Variants in CSNK1G1 observed in about 807,000 individuals in gnomAD.
The protein encoded by CSNK1G1 is casein kinase I isoform gamma-1.
Under a neutral mutation model 59.6 loss-of-function variants are expected in CSNK1G1, and 22 were observed. The observed-to-expected ratio is 0.37, with a 90% CI of 0.26 to 0.53. The LOEUF (loss-of-function observed/expected upper bound fraction) is 0.53, where lower values mean the gene tolerates loss of function less well. Ranked by LOEUF, CSNK1G1 falls within the 20% of genes least tolerant of loss-of-function variation. CSNK1G1 has a pLI of 0.89. For synonymous variants in CSNK1G1, 179 were observed against 177.1 expected (o/e 1.01, Z -0.08); for missense variants, 384 against 519.5 (o/e 0.74, Z 2.54).
chr15:64,325,605 C>T (rs1896795809), intron 1 of CSNK1G1, among the ~76,000 whole-genome samples: 1 of 152,102 alleles, frequency 6.6e-6, no homozygotes, highest in African/African-American at 2.4e-5. Flanking sequence ...TTAAAAGCTC[C>T]ATAATTATAA....
chr15:64,351,011 T>A (rs1259562485), intron 1 of CSNK1G1, among the ~76,000 whole-genome samples: 1 of 152,120 alleles, frequency 6.6e-6, no homozygotes, highest in Non-Finnish European at 1.5e-5. Flanking sequence ...TTCCACAAAT[T>A]CAAAAGTTAT....
chr15:64,351,614 C>G (rs1238944759), intron 1 of CSNK1G1, among the ~76,000 whole-genome samples: 2 of 152,202 alleles, frequency 1.3e-5, no homozygotes, highest in African/African-American at 4.8e-5. Flanking sequence ...CACGGTGGCT[C>G]ACGCCTGTAG....
intron 11 of CSNK1G1, among the ~76,000 whole-genome samples, chr15:64,175,218 G>T (rs1276138615): frequency 1.3e-5 from 2 of 152,050 alleles, no homozygotes; most frequent in African/African-American, 4.8e-5. Flanking sequence ...AAACCCAGTT[G>T]TTTTCTTTAA....
At chr15:64,343,179 T>G in intron 1 of CSNK1G1, among the ~76,000 whole-genome samples, 1 of 72,410 alleles carries the variant, frequency 1.4e-5, no homozygotes, top group Non-Finnish European at 3.0e-5. Context: ...GCCATTGCAC[T>G]CCAGCCAGGG....
chr15:64,309,343 CACACACACAA>C (rs763839268), intron 1 of CSNK1G1, among the ~76,000 whole-genome samples: 1 of 89,078 alleles, frequency 1.1e-5, no homozygotes, highest in African/African-American at 3.5e-5. Context: ...CACACACACA[CACACACACAA>C]ATAAATGAGT....
chr15:64,316,519 G>T (rs1348584091), intron 1 of CSNK1G1, among the ~76,000 whole-genome samples: 1 of 116,878 alleles, frequency 8.6e-6, no homozygotes, highest in African/African-American at 3.4e-5. Context: ...CTGGACGAGA[G>T]AGCAAGACTC....
rs529492284 is a variant in CSNK1G1, at chr15:64,189,130, A to AAAT, written c.1108-8679_1108-8677dup. Among the ~76,000 whole-genome samples, 367 of 152,234 alleles carry AAAT rather than the reference A, an allele frequency of 2.4e-3. 1 individual carries two copies. Among genetic ancestry groups the AAAT allele is most frequent in the African/African-American group, 8.6e-3 (358 of 41,538 alleles). ...GACAGAGCAAGACTCCATCTCGAAA[A>AAAT]AATAATAATAATAATAACAAAAAAA... On this transcript the variant is annotated intron_variant, in intron 10 of 11. Coordinates refer to ENST00000303052, the MANE Select transcript of CSNK1G1 (RefSeq NM_022048.5).
chr15:64,184,453 G>C lies in CSNK1G1; in HGVS notation c.1108-3999C>G, dbSNP rs892025756. On this transcript the variant is annotated intron_variant, in intron 10 of 11. Coordinates refer to ENST00000303052, the MANE Select transcript of CSNK1G1 (RefSeq NM_022048.5). ...GCACTTTGGGAGGCCGAGACAGGTG[G>C]ATTGCCTGAGCTCAGCAGTTCGAGA... Among the ~76,000 whole-genome samples, 20 of 152,140 alleles carry C rather than the reference G, an allele frequency of 1.3e-4. 1 individual carries two copies. The highest frequency in any genetic ancestry group is 1.3e-3 in the Admixed American group (20 of 15,282).
In CSNK1G1 at chr15:64,287,509, T is replaced by C. The variant is rs115706658; in HGVS notation, c.181+12810A>G. Among the ~76,000 whole-genome samples the C allele has an allele frequency of 8.7e-3, 1,322 of 152,304 alleles. 21 individuals are homozygous for C. Among genetic ancestry groups the C allele is most frequent in the African/African-American group, 0.03 (1,237 of 41,576 alleles). ...TCAACTCTTTGCTTATTTAATATAA[T>C]GCTGAATCTTGATTCTGTTAACCAG... is the stretch of plus-strand genomic sequence containing the variant. On this transcript the variant is annotated intron_variant, in intron 2 of 11. Coordinates refer to ENST00000303052, the MANE Select transcript of CSNK1G1 (RefSeq NM_022048.5).
chr15:64,270,864 C>T (rs982532032), intron 2 of CSNK1G1, among the ~76,000 whole-genome samples: 1 of 151,992 alleles, frequency 6.6e-6, no homozygotes, highest in African/African-American at 2.4e-5. Flanking sequence ...GTCTTTATTT[C>T]ATTATTTACC....
At chr15:64,174,758 A>G (rs2081721255) in intron 11 of CSNK1G1, among the ~76,000 whole-genome samples, 1 of 152,044 alleles carries the variant, frequency 6.6e-6, no homozygotes, top group African/African-American at 2.4e-5. Context: ...CTCTTCAGCT[A>G]TTCCCTTGCT....
chr15:64,274,798 A>T (rs567157318), intron 2 of CSNK1G1, among the ~76,000 whole-genome samples: 1 of 152,294 alleles, frequency 6.6e-6, no homozygotes, highest in South Asian at 2.1e-4. Context: ...CTCAGTTCTC[A>T]GAGCCATACT....
At chr15:64,192,488 G>A (rs1203658805) in intron 10 of CSNK1G1, among the ~76,000 whole-genome samples, 2 of 152,170 alleles carry the variant, frequency 1.3e-5, no homozygotes, top group African/African-American at 4.8e-5. Context: ...AGAAAACACA[G>A]AAGACTGTTG....
chr15:64,303,473 C>T (rs895789685), intron 1 of CSNK1G1, among the ~76,000 whole-genome samples: 1 of 151,596 alleles, frequency 6.6e-6, no homozygotes, highest in Non-Finnish European at 1.5e-5. Context: ...AAATTAGGGC[C>T]GGGCACAGTG....
chr15:64,284,744 G>T (rs1362022527), intron 2 of CSNK1G1, among the ~76,000 whole-genome samples: 1 of 151,942 alleles, frequency 6.6e-6, no homozygotes, highest in Non-Finnish European at 1.5e-5. Flanking sequence ...TTTTGGCTAA[G>T]ATATTTTTAA....
At chr15:64,190,817 A>C (rs1456206659) in intron 10 of CSNK1G1, among the ~76,000 whole-genome samples, 1 of 152,236 alleles carries the variant, frequency 6.6e-6, no homozygotes, top group East Asian at 1.9e-4. Flanking sequence ...TAATATTAGA[A>C]GTAATATCTA....
intron 4 of CSNK1G1, among the ~76,000 whole-genome samples, chr15:64,235,936 A>G (rs1308376366): frequency 1.3e-5 from 2 of 152,192 alleles, no homozygotes; most frequent in Non-Finnish European, 2.9e-5. Context: ...CATAACAGGT[A>G]GAAAACTGTT....
At chr15:64,278,501 T>C (rs1234635662) in intron 2 of CSNK1G1, among the ~76,000 whole-genome samples, 1 of 150,480 alleles carries the variant, frequency 6.6e-6, no homozygotes, top group Non-Finnish European at 1.5e-5. Flanking sequence ...CAATTTCAGC[T>C]CACTGCAAGC....
At chr15:64,189,115 G>C (rs1446452087) in intron 10 of CSNK1G1, among the ~76,000 whole-genome samples, 1 of 152,114 alleles carries the variant, frequency 6.6e-6, no homozygotes, top group Admixed American at 6.5e-5. Flanking sequence ...GACAGAGCAA[G>C]ACTCCATCTC....
Sources: allele counts gnomAD v4.1 joint callset (sites outside exome capture counted in the v4.1 genomes callset), GRCh38; gene constraint gnomAD v4.1.1; transcripts MANE v1.5; gene names NCBI Gene and HGNC (gene_info 2026-07-23, HGNC 2026-07-21).